ANXA6: variants seen among roughly 807,000 people sequenced by gnomAD.
The protein encoded by ANXA6 is 67 kDa calelectrin.
ANXA6 carries 71 observed loss-of-function variants against 95.4 expected under a neutral mutation model. The observed-to-expected ratio is 0.74, with a 90% CI of 0.61 to 0.91. The LOEUF (loss-of-function observed/expected upper bound fraction) is 0.91, where lower values mean the gene tolerates loss of function less well. Ranked by LOEUF, ANXA6 falls within the 40% of genes least tolerant of loss-of-function variation. The pLI, the probability that ANXA6 is intolerant of heterozygous loss-of-function variation, is 0.00. For missense variants in ANXA6, 830 were observed against 876.4 expected (o/e 0.95, Z 0.67); for synonymous variants, 289 against 315.9 (o/e 0.91, Z 0.90).
At position 151,117,697 on chromosome 5, in the gene ANXA6, C is replaced by T. The variant is rs1044878165; in HGVS notation, c.1518+61G>A. 4 of 1,453,830 alleles carry T rather than the reference C, an allele frequency of 2.8e-6. No homozygotes were observed. In the South Asian group the frequency reaches 3.6e-5, roughly 13 times the overall value. The allele number at this position is 1,453,830 out of a possible 1,614,324, so 90.1% of individuals were successfully genotyped here. On this transcript the variant is annotated intron_variant, in intron 19 of 25. Coordinates refer to ENST00000354546, the MANE Select transcript of ANXA6 (RefSeq NM_001155.5). ...CCCCTGTGCCCTCCACTCAGTAAAC[C>T]TTCCCTTCCTCCCAGGCCTCCCGAT...
chr5:151,130,487 T>G (rs1027053549), intron 11 of ANXA6, among the ~76,000 whole-genome samples: 2 of 152,222 alleles, frequency 1.3e-5, no homozygotes, highest in African/African-American at 4.8e-5. Context: ...ACTTTGGGCC[T>G]CAAGTGATCC....
Position 151,117,147 on chromosome 5 carries a change from G to C in ANXA6, c.1552C>G (p.Gln518Glu). The C allele has an allele frequency of 6.3e-7, 1 of 1,592,840 alleles. No individual in the cohort carries two copies. The highest frequency in any genetic ancestry group is 8.6e-7 in the Non-Finnish European group (1 of 1,168,040). ...HREEGGENLD[Q>E]AREDAQVAAE... ...CTTACCTGGGCATCTTCCCGTGCCTGGTCCAGGTTTTCTCCTCCCTCCTCA... is the reference window on the plus strand; with the variant it reads ...CTTACCTGGGCATCTTCCCGTGCCTCGTCCAGGTTTTCTCCTCCCTCCTCA... The change falls in exon 20 of 26, where the codon CAG (glutamine) becomes GAG (glutamate). Residue 518 changes from glutamine to glutamate, a missense_variant. Gln to Glu is a conservative substitution (Grantham distance 29). Transcript: ENST00000354546.
chr5:151,100,711 TTA>T lies in ANXA6; in HGVS notation c.*735_*736del, dbSNP rs1382530817. ...ACAGAGGCCCTCACTGGAAATGTGT[TTA>T]TGTGTTTGTGTATCTCTTTTTATTT... is the stretch of plus-strand genomic sequence containing the variant. On this transcript the variant is annotated 3_prime_UTR_variant, in exon 26 of 26. Transcript: ENST00000354546. 2 of 369,690 alleles carry T rather than the reference TTA, an allele frequency of 5.4e-6. No individual in the cohort carries two copies. The highest frequency in any genetic ancestry group is 1.1e-5 in the Non-Finnish European group (2 of 186,574). 22.9% of individuals were successfully genotyped at this position (369,690 alleles called of 1,614,324 possible). A position where few individuals can be genotyped will look rare whatever the true frequency, so the allele number is the denominator to read the frequency against.
Position 151,129,697 on chromosome 5 carries a change from TTTTG to T in ANXA6, c.796-172_796-169del, listed in dbSNP as rs35609303. Among the ~76,000 whole-genome samples the T allele has an allele frequency of 9.8e-4, 147 of 149,292 alleles. 1 individual carries two copies. Among genetic ancestry groups the T allele is most frequent in the South Asian group, 2.5e-3 (11 of 4,474 alleles). ...AGCTCTCTCTATGCTCCTCTTACTG[TTTTG>T]TTTGTTTGTTTGTTTGTTTGTTTGT... On this transcript the variant is annotated intron_variant, in intron 11 of 25. Coordinates refer to ENST00000354546, the MANE Select transcript of ANXA6 (RefSeq NM_001155.5).
In ANXA6 at chr5:151,109,030, T is replaced by C. The variant is rs73799442; in HGVS notation, c.1685-480A>G. 4.6e-3 allele frequency among the ~76,000 whole-genome samples: 707 copies of C among 152,282 alleles called. 7 individuals carry two copies. The highest frequency in any genetic ancestry group is 0.016 in the African/African-American group (677 of 41,568). On this transcript the variant is annotated intron_variant, in intron 22 of 25. Transcript: ENST00000354546. ...TTATGTGTGTTATGTTTTTTGTATC[T>C]TCACAACAATCATCTCGGGTAGAGC...
At chr5:151,112,632 G>A (rs1442050092) in intron 20 of ANXA6, among the ~76,000 whole-genome samples, 4 of 152,180 alleles carry the variant, frequency 2.6e-5, no homozygotes, top group East Asian at 1.9e-4. Flanking sequence ...ATGAGTTTGA[G>A]ACCAGCCGGG....
intron 21 of ANXA6, among the ~76,000 whole-genome samples, chr5:151,110,138 A>T (rs528347525): frequency 6.6e-6 from 1 of 151,922 alleles, no homozygotes; most frequent in Admixed American, 6.5e-5. Context: ...ACCCACATAG[A>T]CTCTGAGCAT....
chr5:151,156,106 G>C (rs994494559), intron 1 of ANXA6, among the ~76,000 whole-genome samples: 6 of 152,242 alleles, frequency 3.9e-5, no homozygotes, highest in African/African-American at 1.4e-4. Flanking sequence ...CTCAGCAGAT[G>C]CTGCCTTAGG....
intron 1 of ANXA6, among the ~76,000 whole-genome samples, chr5:151,149,020 A>C (rs956816489): frequency 2.0e-5 from 3 of 150,844 alleles, no homozygotes; most frequent in African/African-American, 7.3e-5. Context: ...ATTAAAAAAA[A>C]ATAAAAAAAA....
Position 151,140,311 on chromosome 5 carries a change from C to A in ANXA6, c.19-68G>T, listed in dbSNP as rs1765794435. ...GAGACCAAGCTCCCAGCCCCAACCT[C>A]AGGTCAGATGCCTACCCTGGTCCAG... On this transcript the variant is annotated intron_variant, in intron 2 of 25. Coordinates refer to ENST00000354546, the MANE Select transcript of ANXA6 (RefSeq NM_001155.5). 3.7e-6 allele frequency: 5 copies of A among 1,338,362 alleles called. No individual in the cohort carries two copies. The South Asian group carries it at 6.2e-5, about 17-fold the overall frequency. The allele number at this position is 1,338,362 out of a possible 1,614,324, so 82.9% of individuals were successfully genotyped here. A position where few individuals can be genotyped will look rare whatever the true frequency, so the allele number is the denominator to read the frequency against.
Position 151,117,787 on chromosome 5 carries a change from A to G in ANXA6, c.1489T>C (p.Phe497Leu), listed in dbSNP as rs1581987612. The G allele has an allele frequency of 6.2e-7, 1 of 1,613,860 alleles. No individual in the cohort carries two copies. The highest frequency in any genetic ancestry group is 2.2e-5 in the East Asian group (1 of 44,886). The change falls in exon 19 of 26, where the codon TTC becomes CTC. Residue 497 changes from phenylalanine to leucine, a missense_variant. Coordinates refer to ENST00000354546, the MANE Select transcript of ANXA6 (RefSeq NM_001155.5). ...GCCAGAGAAATGAGGATCCTCCTGA[A>G]GTGGCCAGATGTGTCTGAGCTCAGA... ...DALSSDTSGH[F>L]RRILISLATG...
chr5:151,157,155 G>T (rs1365162838), intron 1 of ANXA6, among the ~76,000 whole-genome samples: 4 of 152,106 alleles, frequency 2.6e-5, no homozygotes, highest in South Asian at 4.1e-4. Flanking sequence ...AGGCCCTGAG[G>T]TATGTACGAC....
Position 151,140,190 on chromosome 5 carries a change from C to G in ANXA6, c.72G>C (p.Gln24His), listed in dbSNP as rs189665450. Residue 24 changes from glutamine (Q) to histidine (H), a missense_variant, in exon 3 of 26, where the codon CAG becomes CAC. Transcript: ENST00000354546. The stretch of plus-strand genomic sequence containing the variant: ...TGGCAGTGTACAGAGCCTCGGCATC[C>G]TGGTTGGGGTCAAAGCCTGGGAAGT... The part of the protein sequence containing the change: ...IHDFPGFDPN[Q>H]DAEALYTAMK... 8.1e-6 allele frequency: 13 copies of G among 1,613,962 alleles called. No individual in the cohort carries two copies. In the East Asian group the frequency reaches 2.9e-4, roughly 36 times the overall value.
intron 10 of ANXA6, among the ~76,000 whole-genome samples, chr5:151,131,620 T>C (rs1024446863): frequency 2.6e-5 from 4 of 152,184 alleles, no homozygotes; most frequent in African/African-American, 9.7e-5. Context: ...AGGTGTTTTT[T>C]AGACCTGCTA....
intron 2 of ANXA6, among the ~76,000 whole-genome samples, chr5:151,144,525 G>A (rs764912946): frequency 6.6e-6 from 1 of 152,134 alleles, no homozygotes; most frequent in Non-Finnish European, 1.5e-5. Context: ...GGGAAGGGAT[G>A]CGGAGAAGAG....
chr5:151,144,332 T>A (rs1765921049), intron 2 of ANXA6, among the ~76,000 whole-genome samples: 1 of 152,208 alleles, frequency 6.6e-6, no homozygotes, highest in Non-Finnish European at 1.5e-5. Flanking sequence ...TTCATATGGT[T>A]CATGTGACAG....
intron 2 of ANXA6, among the ~76,000 whole-genome samples, 176 bp downstream of exon 2, chr5:151,147,708 G>A (rs1766006402): frequency 6.6e-6 from 1 of 152,090 alleles, no homozygotes; most frequent in Non-Finnish European, 1.5e-5. Flanking sequence ...TTACATTATG[G>A]TGACCTGCAT....
At chr5:151,155,623 T>C (rs1477854805) in intron 1 of ANXA6, 1 of 152,178 alleles carries the variant, frequency 6.6e-6, no homozygotes, top group Admixed American at 6.5e-5. Context: ...CATCCTGTGC[T>C]TTGTCGCCAC....
chr5:151,121,048 T>C (rs1318794320), intron 17 of ANXA6, among the ~76,000 whole-genome samples: 1 of 152,266 alleles, frequency 6.6e-6, no homozygotes, highest in African/African-American at 2.4e-5. Context: ...GTTTGCTTTT[T>C]GGCTTAGGTA....
Sources: gnomAD v4.1 joint callset for allele counts (sites outside exome capture counted in the v4.1 genomes callset) on GRCh38, gnomAD v4.1.1 for gene constraint, MANE v1.5 for transcripts, NCBI Gene and HGNC (gene_info 2026-07-23, HGNC 2026-07-21) for gene names.